The following PDE4B variants were observed in gnomAD, a reference collection of about 807,000 sequenced individuals.
The protein encoded by PDE4B is phosphodiesterase 4B.
In PDE4B, 20 loss-of-function variants were observed where a neutral mutation model predicts 82.2. The observed-to-expected ratio is 0.24, with a 90% CI of 0.17 to 0.35. PDE4B has a LOEUF of 0.35. Ranked by LOEUF, PDE4B falls within the 10% of genes least tolerant of loss-of-function variation. The pLI is 1.00. For missense variants in PDE4B, 655 were observed against 907.2 expected, an observed-to-expected ratio of 0.72 and a Z score of 3.57; for synonymous variants, 320 against 318.9, an observed-to-expected ratio of 1.00 and a Z score of -0.04.
At chr1:66,257,124 A>C (rs1654296910) in intron 4 of PDE4B, among the ~76,000 whole-genome samples, 1 of 152,190 alleles carries the variant, frequency 6.6e-6, no homozygotes, top group Non-Finnish European at 1.5e-5. Context: ...TAGGTACTTT[A>C]AGAAAAAGTT....
intron 8 of PDE4B, among the ~76,000 whole-genome samples, chr1:66,334,988 C>T (rs1243113872): frequency 1.3e-5 from 2 of 151,940 alleles, no homozygotes; most frequent in Non-Finnish European, 2.9e-5. Flanking sequence ...CTGAATTATC[C>T]ATGGCAAAAA....
intron 3 of PDE4B, among the ~76,000 whole-genome samples, chr1:66,013,977 G>T (rs372925179): frequency 9.9e-5 from 15 of 152,016 alleles, no homozygotes; most frequent in African/African-American, 3.6e-4. Flanking sequence ...ATTTTTTTCT[G>T]ATAGAAGTTA....
At chr1:66,128,451 C>T (rs1645867866) in intron 3 of PDE4B, among the ~76,000 whole-genome samples, 1 of 152,164 alleles carries the variant, frequency 6.6e-6, no homozygotes, top group Non-Finnish European at 1.5e-5. Flanking sequence ...TGATTTTCCT[C>T]TGACCATTAG....
chr1:66,106,803 A>G, intron 3 of PDE4B, among the ~76,000 whole-genome samples: 1 of 126,544 alleles, frequency 7.9e-6, no homozygotes, highest in Admixed American at 8.6e-5. Context: ...ATCATTTTTT[A>G]TTGCATCTAT....
chr1:65,984,769 C>G (rs1448432856), intron 3 of PDE4B, among the ~76,000 whole-genome samples: 1 of 151,920 alleles, frequency 6.6e-6, no homozygotes, highest in Non-Finnish European at 1.5e-5. Context: ...AACAAACAAA[C>G]AAACAAAATA....
At chr1:66,246,741 A>T (rs1353162000) in intron 3 of PDE4B, among the ~76,000 whole-genome samples, 1 of 152,214 alleles carries the variant, frequency 6.6e-6, no homozygotes, top group African/African-American at 2.4e-5. Context: ...AGAGTGACGA[A>T]GACCGATAGG....
chr1:65,869,506 T>C (rs1330695162), intron 1 of PDE4B, among the ~76,000 whole-genome samples: 1 of 152,204 alleles, frequency 6.6e-6, no homozygotes, highest in Non-Finnish European at 1.5e-5. Flanking sequence ...GTACAAGACT[T>C]CACAGACTGT....
At chr1:65,887,199 T>C (rs1457503459) in intron 1 of PDE4B, among the ~76,000 whole-genome samples, 1 of 12,966 alleles carries the variant, frequency 7.7e-5, no homozygotes, top group Non-Finnish European at 1.4e-4. Flanking sequence ...TCTTTCTTTC[T>C]TTCTTTCTTT....
chr1:66,349,047 G>C (rs572072851), intron 8 of PDE4B, among the ~76,000 whole-genome samples: 8 of 152,256 alleles, frequency 5.3e-5, no homozygotes, highest in African/African-American at 1.9e-4. Context: ...AAAATGGACA[G>C]CAGAAAAGGG....
intron 3 of PDE4B, among the ~76,000 whole-genome samples, chr1:66,124,065 G>A (rs539322): frequency 0.31 from 47,278 of 152,038 alleles, 7,828 homozygotes; most frequent in Non-Finnish European, 0.36. Context: ...GAAAACTTCT[G>A]CACTGAAATG....
intron 3 of PDE4B, among the ~76,000 whole-genome samples, chr1:66,013,466 A>G (rs1375066589): frequency 6.6e-6 from 1 of 152,140 alleles, no homozygotes; most frequent in African/African-American, 2.4e-5. Flanking sequence ...TTACTGATAC[A>G]GTTTTTTTAA....
chr1:66,137,005 G>A (rs555055360), intron 3 of PDE4B, among the ~76,000 whole-genome samples: 13 of 152,328 alleles, frequency 8.5e-5, no homozygotes, highest in Admixed American at 5.9e-4. Context: ...TGCTATCCTT[G>A]CAAGGAAATC....
intron 3 of PDE4B, among the ~76,000 whole-genome samples, chr1:66,178,984 G>A (rs1647001583): frequency 6.6e-6 from 1 of 152,106 alleles, no homozygotes; most frequent in Admixed American, 6.5e-5. Context: ...CTGAGTAGCT[G>A]GGATTACAGG....
intron 3 of PDE4B, among the ~76,000 whole-genome samples, chr1:66,012,942 G>A (rs970036881): frequency 6.6e-6 from 1 of 151,928 alleles, no homozygotes; most frequent in Non-Finnish European, 1.5e-5. Context: ...TTATGAATAC[G>A]GTACTATTAG....
At chr1:66,049,004 T>C (rs957265172) in intron 3 of PDE4B, 32 of 152,040 alleles carry the variant, frequency 2.1e-4, no homozygotes, top group African/African-American at 7.7e-4. Flanking sequence ...TATCCAGTAA[T>C]GCATTGGCCC....
intron 7 of PDE4B, among the ~76,000 whole-genome samples, chr1:66,323,035 G>A (rs1557700183): frequency 6.6e-6 from 1 of 152,026 alleles, no homozygotes; most frequent in African/African-American, 2.4e-5. Flanking sequence ...TTTCATTCTT[G>A]CCTTCAAGTT....
chr1:66,009,591 C>G lies in PDE4B; in HGVS notation c.281+90756C>G, dbSNP rs536281872. Reference sequence around the variant, plus strand: ...CTCCTTTCCTTCCCCTCACACCATCCCAGCCACACTGCTGCACTTGGTTCT... The same window carrying G: ...CTCCTTTCCTTCCCCTCACACCATCGCAGCCACACTGCTGCACTTGGTTCT... On this transcript the variant is annotated intron_variant, in intron 3 of 16. Coordinates refer to ENST00000341517, the MANE Select transcript of PDE4B (RefSeq NM_002600.4). 1.3e-3 allele frequency among the ~76,000 whole-genome samples: 198 copies of G among 152,250 alleles called. 1 individual carries two copies. The highest frequency in any genetic ancestry group is 1.9e-3 in the Non-Finnish European group (128 of 68,006).
At chr1:66,061,347 C>A (rs1043852011) in intron 3 of PDE4B, among the ~76,000 whole-genome samples, 1 of 151,420 alleles carries the variant, frequency 6.6e-6, no homozygotes, top group African/African-American at 2.4e-5. Context: ...TCCAAATGCC[C>A]ATGCTTTCTA....
intron 1 of PDE4B, among the ~76,000 whole-genome samples, chr1:65,795,914 A>G (rs915160990): frequency 5.3e-5 from 8 of 152,238 alleles, no homozygotes; most frequent in African/African-American, 1.7e-4. Flanking sequence ...TCATTTTGCC[A>G]GTTTTAATCC....
Sources: gnomAD v4.1 joint callset for allele counts (sites outside exome capture counted in the v4.1 genomes callset) on GRCh38, gnomAD v4.1.1 for gene constraint, MANE v1.5 for transcripts, NCBI Gene and HGNC (gene_info 2026-07-23, HGNC 2026-07-21) for gene names.